The following KANK1 variants were observed in gnomAD, a reference collection of about 807,000 sequenced individuals.
KANK1 encodes the protein KN motif and ankyrin repeat domains 1, also known as KN motif and ankyrin repeat domain-containing protein 1.
In KANK1, 109 loss-of-function variants were observed where a neutral mutation model predicts 106.2. The observed-to-expected ratio is 1.03, with a 90% confidence interval of 0.88 to 1.20. KANK1 has a LOEUF of 1.20. Among genes scored for constraint, KANK1 ranks in the 50% most tolerant of loss-of-function variants. KANK1 has a pLI of 0.00. For synonymous variants in KANK1, 873 were observed against 652.2 expected, an observed-to-expected ratio of 1.34 and a Z score of -5.16; for missense variants, 2,399 against 1,710.7, an observed-to-expected ratio of 1.40 and a Z score of -7.10.
At chr9:564,550 C>G (rs771321184) in intron 1 of KANK1, among the ~76,000 whole-genome samples, 7 of 152,134 alleles carry the variant, frequency 4.6e-5, no homozygotes, top group Non-Finnish European at 8.8e-5. Context: ...TACATAGTTG[C>G]AATGTTGAGA....
At chr9:646,679 T>A (rs1839739933) in intron 1 of KANK1, among the ~76,000 whole-genome samples, 1 of 150,282 alleles carries the variant, frequency 6.7e-6, no homozygotes, top group Non-Finnish European at 1.5e-5. Flanking sequence ...TGATCATTTT[T>A]GTTTTTTAAG....
chr9:500,619 G>T (rs1432152204), upstream of KANK1, among the ~76,000 whole-genome samples: 4 of 152,246 alleles, frequency 2.6e-5, no homozygotes, highest in Non-Finnish European at 5.9e-5. Context: ...AAACAGCAGT[G>T]TGGAAGGAAA....
chr9:571,894 T>C (rs558465416), intron 1 of KANK1, among the ~76,000 whole-genome samples: 3 of 152,338 alleles, frequency 2.0e-5, no homozygotes, highest in South Asian at 2.1e-4. Context: ...GTTTGTACTT[T>C]AGCTTCATGT....
At chr9:478,421 T>G (rs1403264085) in intron 3 of KANK1, 5 of 152,536 alleles carry the variant, frequency 3.3e-5, no homozygotes, top group Non-Finnish European at 7.3e-5. Context: ...AGCATGGTTA[T>G]GACATAGGGT....
chr9:703,661 A>G lies in KANK1; in HGVS notation c.38-7143A>G, dbSNP rs114988854. ...AAGCAGGCATAGTTCTGTTAGTCCAAAAAGGCTTAGTTAAGAGTCTCTTTA... is the reference window on the plus strand; with the variant it reads ...AAGCAGGCATAGTTCTGTTAGTCCAGAAAGGCTTAGTTAAGAGTCTCTTTA... On this transcript the variant is annotated intron_variant, in intron 2 of 11. Coordinates refer to ENST00000382297, the MANE Select transcript of KANK1 (RefSeq NM_015158.5). Among the ~76,000 whole-genome samples the G allele has an allele frequency of 5.0e-3, 766 of 152,214 alleles. 9 individuals carry two copies. The highest frequency in any genetic ancestry group is 0.016 in the African/African-American group (656 of 41,542).
At chr9:500,095 A>T (rs1454196541), upstream of KANK1, among the ~76,000 whole-genome samples, 1 of 152,230 alleles carries the variant, frequency 6.6e-6, no homozygotes, top group African/African-American at 2.4e-5. Context: ...GGAAGGGTAG[A>T]GTGATCTTCT....
At chr9:740,960 A>T (rs1835321450) in intron 9 of KANK1, 26 bp downstream of exon 9, 2 of 1,612,846 alleles carry the variant, frequency 1.2e-6, no homozygotes, top group East Asian at 4.5e-5. Context: ...TCCTGTGCTC[A>T]GGAATGCACC....
At chr9:715,053 A>G (rs1240808780) in intron 3 of KANK1, among the ~76,000 whole-genome samples, 3 of 152,230 alleles carry the variant, frequency 2.0e-5, no homozygotes, top group Non-Finnish European at 2.9e-5. Flanking sequence ...ACTGAAATAT[A>G]TTATTTTTAT....
intron 1 of KANK1, among the ~76,000 whole-genome samples, chr9:636,385 G>A (rs1837145846): frequency 6.6e-6 from 1 of 152,146 alleles, no homozygotes; most frequent in South Asian, 2.1e-4. Context: ...TTTTGTGTTT[G>A]ATGGCTAAAT....
intron 1 of KANK1, among the ~76,000 whole-genome samples, chr9:517,626 C>G (rs756372939): frequency 4.0e-5 from 6 of 151,398 alleles, no homozygotes; most frequent in Non-Finnish European, 7.4e-5. Context: ...GCATCTCTTC[C>G]TGAGAAAGAG....
intron 2 of KANK1, among the ~76,000 whole-genome samples, chr9:472,186 C>G (rs2058034013): frequency 6.6e-6 from 1 of 152,224 alleles, no homozygotes; most frequent in Non-Finnish European, 1.5e-5. Context: ...CCCACAGTCT[C>G]TGTAAGGGGC....
rs115713614 is a variant in KANK1 at position 604,490 on chromosome 9, G to A, written c.-83-72400G>A. ...CATGTCTCTCTCTGTCTCTCCTGCT[G>A]TCATGTGAAGAAGAGGTCCTTGCCT... On this transcript the variant is annotated intron_variant, in intron 1 of 11. Coordinates refer to ENST00000382297, the MANE Select transcript of KANK1 (RefSeq NM_015158.5). 2.1e-3 allele frequency among the ~76,000 whole-genome samples: 316 copies of A among 151,848 alleles called. 9 individuals carry two copies. Among genetic ancestry groups the A allele is most frequent in the African/African-American group, 7.3e-3 (299 of 41,164 alleles).
chr9:620,724 C>G (rs974376629), intron 1 of KANK1, among the ~76,000 whole-genome samples: 2 of 151,916 alleles, frequency 1.3e-5, no homozygotes, highest in Non-Finnish European at 2.9e-5. Context: ...TTTTAAAAAC[C>G]AACTTTTTAA....
intron 7 of KANK1, among the ~76,000 whole-genome samples, chr9:736,608 A>G (rs1396183099): frequency 2.0e-5 from 3 of 152,064 alleles, no homozygotes; most frequent in Admixed American, 2.0e-4. Flanking sequence ...CTGAGGCAAG[A>G]AGATAGCTGG....
At chr9:696,446 G>C (rs1246255426) in intron 2 of KANK1, among the ~76,000 whole-genome samples, 1 of 152,202 alleles carries the variant, frequency 6.6e-6, no homozygotes, top group African/African-American at 2.4e-5. Context: ...TCCCAGGACA[G>C]AGCAGTTGAG....
intron 5 of KANK1, chr9:731,495 TCTC>T (rs1273642908): frequency 1.4e-5 from 5 of 369,398 alleles, no homozygotes; most frequent in African/African-American, 1.1e-4. Context: ...GCGGTTTACA[TCTC>T]CTCACCTCTG....
intron 1 of KANK1, chr9:470,395 G>C (rs573038038): frequency 6.5e-6 from 1 of 152,736 alleles, no homozygotes; most frequent in Middle Eastern, 3.4e-3. Flanking sequence ...TGAGGGACTC[G>C]GGGAGGCTGA....
At chr9:542,567 C>G (rs1309867991) in intron 1 of KANK1, among the ~76,000 whole-genome samples, 1 of 152,156 alleles carries the variant, frequency 6.6e-6, no homozygotes, top group Non-Finnish European at 1.5e-5. Flanking sequence ...GGGTATACAT[C>G]CAAAGGAATT....
At chr9:631,848 C>A (rs1161922787) in intron 1 of KANK1, among the ~76,000 whole-genome samples, 2 of 152,172 alleles carry the variant, frequency 1.3e-5, no homozygotes, top group East Asian at 3.9e-4. Context: ...CATCTTTAAG[C>A]CTCATTTCAG....
Sources: gnomAD v4.1 joint callset for allele counts (sites outside exome capture counted in the v4.1 genomes callset) on GRCh38, gnomAD v4.1.1 for gene constraint, MANE v1.5 for transcripts, NCBI Gene and HGNC (gene_info 2026-07-23, HGNC 2026-07-21) for gene names.